The following RUFY3 variants were observed in gnomAD, a reference collection of about 807,000 sequenced individuals.
The protein encoded by RUFY3 is RUN and FYVE domain containing 3.
In RUFY3, 34 loss-of-function variants were observed where a neutral mutation model predicts 84.0. The ratio of observed to expected loss-of-function variants is 0.40; its 90% CI spans 0.31 to 0.54. The LOEUF (loss-of-function observed/expected upper bound fraction) is 0.54. RUFY3 is among the 20% of genes least tolerant of loss of function. The pLI is 0.39. For synonymous variants in RUFY3, 242 were observed against 252.9 expected, an observed-to-expected ratio of 0.96 and a Z score of 0.41; for missense variants, 507 against 736.8, an observed-to-expected ratio of 0.69 and a Z score of 3.61.
rs1285530086 is a variant in RUFY3 at position 70,763,419 on chromosome 4, A to AT, written c.353-132dup. On this transcript the variant is annotated intron_variant, in intron 2 of 17. Transcript: ENST00000381006. ...ACAAAATATTATCTATTCTAAAAGC[A>AT]TGAATGAATCCAAAACCATCTTATA... 3 of 627,558 alleles carry AT rather than the reference A, an allele frequency of 4.8e-6. No homozygotes were observed. In the African/African-American group the frequency reaches 5.6e-5, roughly 12 times the overall value. 38.9% of individuals were successfully genotyped at this position (627,558 alleles called of 1,614,324 possible).
intron 1 of RUFY3, among the ~76,000 whole-genome samples, chr4:70,713,368 A>G (rs1429813268): frequency 2.0e-5 from 3 of 152,214 alleles, no homozygotes; most frequent in Non-Finnish European, 2.9e-5. Context: ...GTACTTGAGA[A>G]GGTAAGTAGC....
Position 70,794,028 on chromosome 4 carries a change from A to C in RUFY3, c.1457+124A>C, listed in dbSNP as rs1476456696. 1.0e-5 allele frequency: 11 copies of C among 1,049,010 alleles called. No individual in the cohort carries two copies. In the East Asian group the frequency reaches 2.9e-4, roughly 28 times the overall value. The allele number at this position is 1,049,010 out of a possible 1,614,324, so 65.0% of individuals were successfully genotyped here. A position where few individuals can be genotyped will look rare whatever the true frequency, so the allele number is the denominator to read the frequency against. ...TGTCTTTGCAATGTCCTTTCTCTGG[A>C]ATTGGAATTCAGAAAGCTTCACGTA... is the stretch of plus-strand genomic sequence containing the variant. On this transcript the variant is annotated intron_variant, in intron 13 of 17. Coordinates refer to ENST00000381006, the MANE Select transcript of RUFY3 (RefSeq NM_001037442.4).
upstream of RUFY3, among the ~76,000 whole-genome samples, chr4:70,720,155 G>A (rs1432702078): frequency 6.6e-6 from 1 of 152,046 alleles, no homozygotes; most frequent in East Asian, 1.9e-4. Flanking sequence ...GGCCTCACGT[G>A]ATTCTTCCAC....
chr4:70,760,260 C>G (rs1310814552), intron 1 of RUFY3, among the ~76,000 whole-genome samples: 2 of 152,196 alleles, frequency 1.3e-5, no homozygotes, highest in Non-Finnish European at 2.9e-5. Context: ...TCTATCACTA[C>G]TTCTGGAAAA....
In RUFY3 at chr4:70,733,073, AAGAG is replaced by A. The variant is rs1223448881; in HGVS notation, c.178+10341_178+10344del. Among the ~76,000 whole-genome samples, 39 of 112,452 alleles carry A rather than the reference AAGAG, an allele frequency of 3.5e-4. No individual in the cohort carries two copies. The South Asian group carries it at 3.5e-3, about 10-fold the overall frequency. The allele number at this position is 112,452 out of a possible 152,430, so 73.8% of individuals were successfully genotyped here. On this transcript the variant is annotated intron_variant, in intron 1 of 17. Transcript: ENST00000381006. ...CAGAGTGAGACTCCATTTCAAAAGAAAGAGAGAGAGAGAGAGAGAGAGGAGAGAG... is the reference window on the plus strand; with the variant it reads ...CAGAGTGAGACTCCATTTCAAAAGAAAGAGAGAGAGAGAGAGAGGAGAGAG...
At chr4:70,738,616 C>G (rs2148638925) in intron 1 of RUFY3, among the ~76,000 whole-genome samples, 1 of 152,014 alleles carries the variant, frequency 6.6e-6, no homozygotes, top group East Asian at 1.9e-4. Flanking sequence ...CCCGCCTCGG[C>G]CTCCCAAAGT....
chr4:70,783,042 A>G (rs1291026289), intron 8 of RUFY3, 49 bp from the exon 9 acceptor site: 1 of 1,107,616 alleles, frequency 9.0e-7, no homozygotes, highest in Admixed American at 2.2e-5. Flanking sequence ...ATCTTATACT[A>G]TGTTAATTTT....
At position 70,759,374 on chromosome 4, in the gene RUFY3, G is replaced by GTA. The variant is rs1553912011; in HGVS notation, c.179-3144_179-3143insAT. Among the ~76,000 whole-genome samples, 23 of 4,992 alleles carry GTA rather than the reference G, an allele frequency of 4.6e-3. No homozygotes were observed. The South Asian group carries it at 0.081, about 18-fold the overall frequency. 3.3% of individuals were successfully genotyped at this position (4,992 alleles called of 152,430 possible). A position where few individuals can be genotyped will look rare whatever the true frequency, so the allele number is the denominator to read the frequency against. The stretch of plus-strand genomic sequence containing the variant: ...GCTGAATTTGTGTGTGTGTGTGTAT[G>GTA]TGTGTGTGTGTGTGTGTGTGTGTGT... On this transcript the variant is annotated intron_variant, in intron 1 of 17. Coordinates refer to ENST00000381006, the MANE Select transcript of RUFY3 (RefSeq NM_001037442.4).
In RUFY3 at chr4:70,722,426, T is replaced by G. The variant is rs978585672; in HGVS notation, c.-148T>G. ...TAAGGTATTTTTCCTTTTTTTTTTT[T>G]TTAAACCTCCCCCACCCTTTTCCTG... On this transcript the variant is annotated 5_prime_UTR_variant, in exon 1 of 18. Transcript: ENST00000381006. 3.6e-5 allele frequency: 49 copies of G among 1,354,526 alleles called. No individual in the cohort carries two copies. The highest frequency in any genetic ancestry group is 4.2e-5 in the Non-Finnish European group (44 of 1,051,734). 83.9% of individuals were successfully genotyped at this position (1,354,526 alleles called of 1,614,324 possible). A position where few individuals can be genotyped will look rare whatever the true frequency, so the allele number is the denominator to read the frequency against.
intron 1 of RUFY3, among the ~76,000 whole-genome samples, chr4:70,745,950 G>T (rs1024853311): frequency 6.6e-6 from 1 of 151,992 alleles, no homozygotes; most frequent in East Asian, 1.9e-4. Flanking sequence ...CTGAGGCGAG[G>T]AATTGCTTGA....
chr4:70,721,421 T>G (rs1302331290), upstream of RUFY3, among the ~76,000 whole-genome samples: 3 of 122,330 alleles, frequency 2.5e-5, no homozygotes, highest in East Asian at 2.0e-4. Flanking sequence ...TAACTTGAAG[T>G]TTTTTTTTTG....
At chr4:70,758,986 C>T (rs1724522639) in intron 1 of RUFY3, among the ~76,000 whole-genome samples, 1 of 151,694 alleles carries the variant, frequency 6.6e-6, no homozygotes, top group Admixed American at 6.6e-5. Flanking sequence ...TGCAGTGAGC[C>T]GAGATCGTGC....
intron 1 of RUFY3, among the ~76,000 whole-genome samples, chr4:70,713,568 A>C (rs954995776): frequency 6.6e-6 from 1 of 152,046 alleles, no homozygotes; most frequent in Admixed American, 6.6e-5. Flanking sequence ...GGGGTGGGAA[A>C]GTTTGGAAGA....
intron 10 of RUFY3, among the ~76,000 whole-genome samples, chr4:70,787,185 AAAATATATAT>A (rs1267342854): frequency 8.4e-6 from 1 of 119,300 alleles, no homozygotes; most frequent in African/African-American, 3.5e-5. Flanking sequence ...AAAAAAAAAA[AAAATATATAT>A]ATATATATAT....
chr4:70,722,473 G>T lies in RUFY3; in HGVS notation c.-101G>T. The T allele has an allele frequency of 7.8e-6, 11 of 1,404,930 alleles. No homozygotes were observed. Among genetic ancestry groups the T allele is most frequent in the Admixed American group, 7.4e-5 (3 of 40,282 alleles). 87.0% of individuals were successfully genotyped at this position (1,404,930 alleles called of 1,614,324 possible). ...CCTGAAAGCTTTGTTTCAGAGCTTT[G>T]TATTGGGTTTTTTTGGTGAGGAGGT... On this transcript the variant is annotated 5_prime_UTR_variant, in exon 1 of 18. Coordinates refer to ENST00000381006, the MANE Select transcript of RUFY3 (RefSeq NM_001037442.4).
chr4:70,776,620 A>C (rs1728016484), intron 7 of RUFY3, among the ~76,000 whole-genome samples: 1 of 152,024 alleles, frequency 6.6e-6, no homozygotes, highest in African/African-American at 2.4e-5. Flanking sequence ...TAAAAATACA[A>C]AAAAAATTAG....
intron 1 of RUFY3, among the ~76,000 whole-genome samples, chr4:70,713,269 C>A (rs1741193588): frequency 6.6e-6 from 1 of 152,160 alleles, no homozygotes; most frequent in African/African-American, 2.4e-5. Context: ...GGGATCCGCC[C>A]GCCCCAACCT....
intron 10 of RUFY3, 128 bp from the exon 11 acceptor site, chr4:70,788,678 G>A: frequency 2.4e-6 from 2 of 834,966 alleles, no homozygotes; most frequent in South Asian, 5.3e-5. Context: ...AAAATGAATG[G>A]TAGCTTAAGC....
At chr4:70,741,775 C>A in intron 1 of RUFY3, 1 of 940,322 alleles carries the variant, frequency 1.1e-6, no homozygotes, top group Non-Finnish European at 1.5e-6. Flanking sequence ...GAAATGTCAG[C>A]TTTAGGTTTT....
Sources: allele counts gnomAD v4.1 joint callset (sites outside exome capture counted in the v4.1 genomes callset), GRCh38; gene constraint gnomAD v4.1.1; transcripts MANE v1.5; gene names NCBI Gene and HGNC (gene_info 2026-07-23, HGNC 2026-07-21).